Variants in SLC8A1 observed in about 807,000 individuals in gnomAD.
SLC8A1 encodes the protein solute carrier family 8 member A1, also known as sodium/calcium exchanger 1.
SLC8A1 carries 18 observed loss-of-function variants against 68.3 expected under a neutral mutation model. The observed-to-expected ratio is 0.26, with a 90% confidence interval of 0.18 to 0.39. The LOEUF (loss-of-function observed/expected upper bound fraction) is 0.39. Ranked by LOEUF, SLC8A1 falls within the 10% of genes least tolerant of loss-of-function variation. SLC8A1 has a pLI of 1.00. For synonymous variants in SLC8A1, 475 were observed against 415.5 expected (o/e 1.14, Z -1.74); for missense variants, 985 against 1,156.7 (o/e 0.85, Z 2.15).
intron 2 of SLC8A1, among the ~76,000 whole-genome samples, chr2:40,216,484 G>C (rs555967565): frequency 6.6e-6 from 1 of 152,124 alleles, no homozygotes; most frequent in African/African-American, 2.4e-5. Flanking sequence ...TGTCTTTATA[G>C]TAGAATGATT....
chr2:40,230,647 TATC>T (rs1292599162), intron 2 of SLC8A1, among the ~76,000 whole-genome samples: 1 of 152,214 alleles, frequency 6.6e-6, no homozygotes, highest in Non-Finnish European at 1.5e-5. Flanking sequence ...TATAATTAAT[TATC>T]ATTTAGAATT....
At chr2:40,263,824 A>G (rs549848341) in intron 2 of SLC8A1, among the ~76,000 whole-genome samples, 5 of 152,308 alleles carry the variant, frequency 3.3e-5, no homozygotes, top group South Asian at 4.1e-4. Flanking sequence ...AAAAGCAATG[A>G]TAACAAAAGC....
intron 2 of SLC8A1, among the ~76,000 whole-genome samples, chr2:40,236,504 G>A (rs991681171): frequency 2.0e-5 from 3 of 151,832 alleles, no homozygotes; most frequent in Non-Finnish European, 4.4e-5. Context: ...CTCTGCACGT[G>A]AGATGGGTTT....
At chr2:40,166,155 C>T (rs954421677) in intron 4 of SLC8A1, among the ~76,000 whole-genome samples, 1 of 152,108 alleles carries the variant, frequency 6.6e-6, no homozygotes, top group Admixed American at 6.6e-5. Flanking sequence ...GAAGTCCATA[C>T]CTCCCATTAC....
chr2:40,433,995 G>A (rs185000988), intron 1 of SLC8A1, among the ~76,000 whole-genome samples: 45 of 152,264 alleles, frequency 3.0e-4, no homozygotes, highest in Admixed American at 6.5e-4. Flanking sequence ...AGAGACAGCT[G>A]CCCTTCAATC....
intron 2 of SLC8A1, among the ~76,000 whole-genome samples, chr2:40,360,814 G>A (rs1674387255): frequency 6.6e-6 from 1 of 152,184 alleles, no homozygotes; most frequent in Admixed American, 6.6e-5. Context: ...GGCAAGGTCT[G>A]CCCTCTTGCC....
At chr2:40,226,375 G>A (rs1234562449) in intron 2 of SLC8A1, among the ~76,000 whole-genome samples, 4 of 152,126 alleles carry the variant, frequency 2.6e-5, no homozygotes, top group Admixed American at 6.6e-5. Context: ...GACTTCTAGG[G>A]TAGGCATTGT....
chr2:40,365,728 C>T (rs113685889), intron 2 of SLC8A1, among the ~76,000 whole-genome samples: 3,647 of 152,110 alleles, frequency 0.024, 56 homozygotes, highest in Non-Finnish European at 0.036. Flanking sequence ...TGGCCAGGTG[C>T]AGTAGCGAGC....
At chr2:40,478,605 A>G (rs560189958) in intron 1 of SLC8A1, among the ~76,000 whole-genome samples, 1 of 152,176 alleles carries the variant, frequency 6.6e-6, no homozygotes, top group Admixed American at 6.5e-5. Flanking sequence ...TTCTATAAAT[A>G]TGAGTGTATT....
rs1469587947 is a variant in SLC8A1, at chr2:40,438,354, G to C, written c.-24-8050C>G. Among the ~76,000 whole-genome samples, 13 of 152,098 alleles carry C rather than the reference G, an allele frequency of 8.5e-5. 1 individual carries two copies. Among genetic ancestry groups the C allele is most frequent in the African/African-American group, 2.4e-5 (1 of 41,412 alleles). The stretch of plus-strand genomic sequence containing the variant: ...TCTACCTAAAAATATTTCCCCAATA[G>C]CTGGTTGACATTTAATCTTAAAAAT... On this transcript the variant is annotated intron_variant, in intron 1 of 7. Coordinates refer to ENST00000406785, the Ensembl canonical transcript of SLC8A1.
At chr2:40,373,238 G>C (rs1678731882) in intron 2 of SLC8A1, among the ~76,000 whole-genome samples, 1 of 151,972 alleles carries the variant, frequency 6.6e-6, no homozygotes, top group Non-Finnish European at 1.5e-5. Context: ...TTTATCTCTG[G>C]GTATGTGATT....
At chr2:40,146,606 C>A (rs541457444) in intron 6 of SLC8A1, among the ~76,000 whole-genome samples, 1 of 150,028 alleles carries the variant, frequency 6.7e-6, no homozygotes, top group East Asian at 1.9e-4. Context: ...TATTTTCTTG[C>A]AACTAGATGG....
chr2:40,265,247 T>C (rs1439448428), intron 2 of SLC8A1, among the ~76,000 whole-genome samples: 1 of 152,192 alleles, frequency 6.6e-6, no homozygotes, highest in Non-Finnish European at 1.5e-5. Context: ...CAGTTGTCCA[T>C]TACAGCAGGA....
At chr2:40,299,607 G>A (rs540513550) in intron 2 of SLC8A1, among the ~76,000 whole-genome samples, 2 of 152,140 alleles carry the variant, frequency 1.3e-5, no homozygotes, top group East Asian at 1.9e-4. Flanking sequence ...ATTTGGACTT[G>A]TAAGGGTGAT....
intron 2 of SLC8A1, among the ~76,000 whole-genome samples, chr2:40,319,731 T>C (rs997922563): frequency 9.2e-5 from 14 of 152,248 alleles, no homozygotes; most frequent in African/African-American, 3.4e-4. Flanking sequence ...TGGAGAGCTC[T>C]GCAAACAATT....
intron 7 of SLC8A1, among the ~76,000 whole-genome samples, chr2:40,122,694 A>G (rs1403379029): frequency 6.6e-6 from 1 of 152,184 alleles, no homozygotes; most frequent in African/African-American, 2.4e-5. Context: ...CTGACCACTC[A>G]CAGCCCTGGT....
chr2:40,371,664 T>G (rs1455671635), intron 2 of SLC8A1, among the ~76,000 whole-genome samples: 1 of 152,102 alleles, frequency 6.6e-6, no homozygotes, highest in African/African-American at 2.4e-5. Flanking sequence ...ATTTTGGAGA[T>G]AGAACAGAGA....
chr2:40,151,605 C>CTT (rs1341811089), intron 6 of SLC8A1, among the ~76,000 whole-genome samples: 1 of 151,914 alleles, frequency 6.6e-6, no homozygotes, highest in Non-Finnish European at 1.5e-5. Context: ...CAAAAAATGT[C>CTT]TGAAGCAGAA....
At position 40,232,589 on chromosome 2, in the gene SLC8A1, T is replaced by A. The variant is rs1000726770; in HGVS notation, c.1809-54734A>T. Among the ~76,000 whole-genome samples the A allele has an allele frequency of 2.9e-5, 4 of 137,992 alleles. No individual in the cohort carries two copies. The East Asian group carries it at 6.0e-4, about 21-fold the overall frequency. The allele number at this position is 137,992 out of a possible 152,430, so 90.5% of individuals were successfully genotyped here. On this transcript the variant is annotated intron_variant, in intron 2 of 7. Transcript: ENST00000406785. ...AATAATTTTCCATTACTGTCCAACT[T>A]TGTATTCTGTTTTTTTTTTTTTTTA...
Sources: gnomAD v4.1 joint callset for allele counts (sites outside exome capture counted in the v4.1 genomes callset) on GRCh38, gnomAD v4.1.1 for gene constraint, MANE v1.5 for transcripts, NCBI Gene and HGNC (gene_info 2026-07-23, HGNC 2026-07-21) for gene names.